Variants in ARL15 observed in about 807,000 individuals in gnomAD.
The protein encoded by ARL15 is ADP-ribosylation factor-like protein 15.
Under a neutral mutation model 25.2 loss-of-function variants are expected in ARL15, and 19 were observed. The ratio of observed to expected loss-of-function variants is 0.75; its 90% CI spans 0.53 to 1.10. The LOEUF (loss-of-function observed/expected upper bound fraction) is 1.10. Among genes scored for constraint, ARL15 ranks in the 50% least tolerant of loss-of-function variants. The probability of loss-of-function intolerance (pLI) is 0.00; values close to 1 mark genes in which losing one functional copy is unlikely to be tolerated. For synonymous variants in ARL15, 94 were observed against 86.8 expected (o/e 1.08, Z -0.46); for missense variants, 220 against 246.0 (o/e 0.89, Z 0.71).
chr5:54,153,672 C>T (rs902529554), intron 3 of ARL15, among the ~76,000 whole-genome samples: 3 of 151,908 alleles, frequency 2.0e-5, no homozygotes, highest in African/African-American at 4.8e-5. Context: ...CTACACATAG[C>T]GAACTGAAAA....
At chr5:54,131,946 A>C (rs1477393434) in intron 3 of ARL15, among the ~76,000 whole-genome samples, 1 of 152,138 alleles carries the variant, frequency 6.6e-6, no homozygotes, top group Non-Finnish European at 1.5e-5. Context: ...GGCAGAAATT[A>C]GTAAGAGGTA....
intron 3 of ARL15, among the ~76,000 whole-genome samples, chr5:54,141,234 T>C (rs771643499): frequency 1.3e-4 from 20 of 152,152 alleles, no homozygotes; most frequent in Non-Finnish European, 2.5e-4. Flanking sequence ...GTCTACACAT[T>C]AAGTTAATTG....
At chr5:53,986,966 A>T (rs1017453639) in intron 4 of ARL15, among the ~76,000 whole-genome samples, 4 of 152,158 alleles carry the variant, frequency 2.6e-5, no homozygotes, top group African/African-American at 9.7e-5. Context: ...TTTAAATCTA[A>T]GACTAGAAGG....
intron 1 of ARL15, among the ~76,000 whole-genome samples, chr5:54,257,127 A>G (rs1464676218): frequency 1.3e-5 from 2 of 152,100 alleles, no homozygotes; most frequent in African/African-American, 4.8e-5. Context: ...AGGGAACCCA[A>G]GTTGGAAAAG....
intron 4 of ARL15, among the ~76,000 whole-genome samples, chr5:54,001,507 G>C (rs1049087106): frequency 6.6e-6 from 1 of 152,096 alleles, no homozygotes; most frequent in Non-Finnish European, 1.5e-5. Flanking sequence ...TCTATGGAAA[G>C]CTACAAAAAT....
chr5:54,050,597 G>A (rs188619315), intron 4 of ARL15, among the ~76,000 whole-genome samples: 3 of 152,258 alleles, frequency 2.0e-5, no homozygotes, highest in Admixed American at 2.0e-4. Context: ...TGTGGCCAGG[G>A]ATATTATGTG....
At chr5:54,041,312 C>A (rs1429615711) in intron 4 of ARL15, among the ~76,000 whole-genome samples, 1 of 152,104 alleles carries the variant, frequency 6.6e-6, no homozygotes, top group Non-Finnish European at 1.5e-5. Flanking sequence ...GTTTAATATG[C>A]CTTTGATATA....
At chr5:54,213,178 C>G (rs1278584042) in intron 1 of ARL15, among the ~76,000 whole-genome samples, 1 of 152,218 alleles carries the variant, frequency 6.6e-6, no homozygotes, top group Non-Finnish European at 1.5e-5. Flanking sequence ...TGCTAAAACA[C>G]TGGCATTCCA....
At chr5:53,956,439 A>G (rs1321840746) in intron 4 of ARL15, among the ~76,000 whole-genome samples, 2 of 149,394 alleles carry the variant, frequency 1.3e-5, no homozygotes, top group Admixed American at 6.6e-5. Context: ...CATTCACAAA[A>G]GACCATACTT....
intron 1 of ARL15, among the ~76,000 whole-genome samples, chr5:54,247,953 CT>C (rs373319392): frequency 6.6e-6 from 1 of 151,774 alleles, no homozygotes; most frequent in Non-Finnish European, 1.5e-5. Flanking sequence ...GATGATGGAG[CT>C]TTTTTACAGC....
intron 3 of ARL15, among the ~76,000 whole-genome samples, chr5:54,122,380 C>T (rs1753106707): frequency 6.6e-6 from 1 of 152,216 alleles, no homozygotes; most frequent in Non-Finnish European, 1.5e-5. Flanking sequence ...CTTATGAAAA[C>T]CAAAACTGAT....
At chr5:54,049,787 G>T (rs112750258) in intron 4 of ARL15, among the ~76,000 whole-genome samples, 6,491 of 151,948 alleles carry the variant, frequency 0.043, 459 homozygotes, top group African/African-American at 0.15. Flanking sequence ...GCCCAGGCTG[G>T]TCTCAAGCTC....
intron 4 of ARL15, among the ~76,000 whole-genome samples, chr5:54,093,807 A>G (rs1353416073): frequency 6.6e-6 from 1 of 152,150 alleles, no homozygotes; most frequent in Non-Finnish European, 1.5e-5. Context: ...AAATACCATT[A>G]TCATACAATA....
At chr5:53,950,784 A>G (rs788514) in intron 4 of ARL15, among the ~76,000 whole-genome samples, 114,729 of 152,194 alleles carry the variant, frequency 0.75, 43,309 homozygotes, top group Middle Eastern at 0.88. Context: ...TTTATTAAAC[A>G]TAATGTTCTA....
intron 1 of ARL15, among the ~76,000 whole-genome samples, chr5:54,300,236 G>T (rs1329849897): frequency 6.6e-6 from 1 of 152,178 alleles, no homozygotes; most frequent in Non-Finnish European, 1.5e-5. Context: ...TGAGGATTGG[G>T]TAGAAAAGAC....
chr5:54,175,301 T>C (rs888542396), intron 1 of ARL15, among the ~76,000 whole-genome samples: 1 of 152,144 alleles, frequency 6.6e-6, no homozygotes, highest in Non-Finnish European at 1.5e-5. Flanking sequence ...ATAGCAGTGA[T>C]ATTCTACTCC....
At chr5:54,020,817 T>C (rs1749577558) in intron 4 of ARL15, among the ~76,000 whole-genome samples, 1 of 146,582 alleles carries the variant, frequency 6.8e-6, no homozygotes, top group Non-Finnish European at 1.5e-5. Context: ...TAGCTGGCTG[T>C]GGTGGCTGGC....
chr5:54,030,680 G>A (rs1444060714), intron 4 of ARL15, among the ~76,000 whole-genome samples: 1 of 152,136 alleles, frequency 6.6e-6, no homozygotes, highest in African/African-American at 2.4e-5. Context: ...AATAAAGGCA[G>A]GCAAACAAGC....
chr5:53,908,755 A>C (rs987189338), intron 4 of ARL15, among the ~76,000 whole-genome samples: 3 of 152,250 alleles, frequency 2.0e-5, no homozygotes, highest in Non-Finnish European at 4.4e-5. Context: ...CTAAATGCAC[A>C]GGAAATAATA....
Sources: gnomAD v4.1 joint callset for allele counts (sites outside exome capture counted in the v4.1 genomes callset) on GRCh38, gnomAD v4.1.1 for gene constraint, MANE v1.5 for transcripts, NCBI Gene and HGNC (gene_info 2026-07-23, HGNC 2026-07-21) for gene names.